Variants in TCF4 observed in about 807,000 individuals in gnomAD.
TCF4 encodes the protein transcription factor 4, also known as SL3-3 enhancer factor 2.
TCF4 carries 3 observed loss-of-function variants against 82.1 expected under a neutral mutation model. The ratio of observed to expected loss-of-function variants is 0.04; its 90% confidence interval spans 0.02 to 0.09. The LOEUF is 0.09. Among genes scored for constraint, TCF4 ranks in the 10% least tolerant of loss-of-function variants. TCF4 has a pLI of 1.00. For missense variants in TCF4, 518 were observed against 852.7 expected (o/e 0.61, Z 4.89); for synonymous variants, 276 against 309.6 (o/e 0.89, Z 1.14).
chr18:55,619,092 T>A (rs567061228), intron 2 of TCF4, among the ~76,000 whole-genome samples: 10 of 152,266 alleles, frequency 6.6e-5, no homozygotes, highest in African/African-American at 2.2e-4. Context: ...CAAAGCTATC[T>A]GGATTTGTGG....
intron 5 of TCF4, chr18:55,422,225 G>T: frequency 1.0e-6 from 1 of 981,952 alleles, no homozygotes; most frequent in Middle Eastern, 5.3e-4. Context: ...GGCACCAGAA[G>T]ATCTAAGCCC....
chr18:55,303,226 T>TACACACACACACAC (rs74180496), intron 8 of TCF4, among the ~76,000 whole-genome samples: 15 of 136,072 alleles, frequency 1.1e-4, no homozygotes, highest in African/African-American at 2.8e-4. Flanking sequence ...TCCCAGTACG[T>TACACACACACACAC]ACACACACAC....
chr18:55,369,653 A>C (rs2088349319), intron 6 of TCF4, among the ~76,000 whole-genome samples: 1 of 152,240 alleles, frequency 6.6e-6, no homozygotes, highest in Non-Finnish European at 1.5e-5. Flanking sequence ...ACAGGTGCTC[A>C]TCAGGAAATT....
At chr18:55,290,769 C>T (rs2064877350) in intron 8 of TCF4, among the ~76,000 whole-genome samples, 1 of 151,988 alleles carries the variant, frequency 6.6e-6, no homozygotes, top group South Asian at 2.1e-4. Flanking sequence ...GCATCAGACA[C>T]AAGCAGAAAG....
intron 3 of TCF4, among the ~76,000 whole-genome samples, chr18:55,531,083 C>T (rs1383968761): frequency 6.6e-6 from 1 of 152,066 alleles, no homozygotes; most frequent in Non-Finnish European, 1.5e-5. Context: ...TCTCGAGTAG[C>T]TGGGAGTACA....
chr18:55,483,114 G>T (rs948763750), intron 3 of TCF4, among the ~76,000 whole-genome samples: 1 of 152,162 alleles, frequency 6.6e-6, no homozygotes, highest in African/African-American at 2.4e-5. Flanking sequence ...GGGCAATAAG[G>T]CACCCTCGGC....
chr18:55,386,970 CA>C (rs2092659836), intron 6 of TCF4, among the ~76,000 whole-genome samples: 6 of 152,188 alleles, frequency 3.9e-5, no homozygotes, highest in African/African-American at 1.4e-4. Context: ...CTCGGATACA[CA>C]CAGGCACCAT....
chr18:55,585,061 G>C (rs767217877), intron 3 of TCF4, among the ~76,000 whole-genome samples: 6 of 151,888 alleles, frequency 4.0e-5, no homozygotes, highest in Non-Finnish European at 8.8e-5. Flanking sequence ...ATGGAATTTT[G>C]AGAGAGTTTC....
At chr18:55,445,961 A>C (rs548338006) in intron 5 of TCF4, among the ~76,000 whole-genome samples, 28 of 152,220 alleles carry the variant, frequency 1.8e-4, no homozygotes, top group African/African-American at 6.7e-4. Context: ...TGGCTCTAAG[A>C]GTTCACATTC....
At chr18:55,361,360 C>T (rs1396586295) in intron 6 of TCF4, among the ~76,000 whole-genome samples, 2 of 152,160 alleles carry the variant, frequency 1.3e-5, no homozygotes, top group East Asian at 1.9e-4. Flanking sequence ...CTACTATGGG[C>T]CAGCCACTGT....
intron 2 of TCF4, among the ~76,000 whole-genome samples, chr18:55,621,533 A>ACAT (rs2097718890): frequency 9.4e-3 from 2 of 212 alleles, no homozygotes; most frequent in Admixed American, 0.1. Context: ...ATTATATAAT[A>ACAT]TATATATTAT....
At chr18:55,275,275 G>GAAAAAA (rs533160424) in intron 10 of TCF4, among the ~76,000 whole-genome samples, 83 of 71,174 alleles carry the variant, frequency 1.2e-3, no homozygotes, top group East Asian at 1.9e-3. Context: ...ACTACAGATA[G>GAAAAAA]AAAAAAAAAA....
At chr18:55,259,097 T>TTTA (rs1049581407) in intron 13 of TCF4, among the ~76,000 whole-genome samples, 8 of 152,146 alleles carry the variant, frequency 5.3e-5, no homozygotes, top group Admixed American at 6.5e-5. Context: ...AGGAGCTGAG[T>TTTA]TTACACTGGG....
chr18:55,479,942 C>A (rs1467984283), intron 3 of TCF4, among the ~76,000 whole-genome samples: 2 of 152,160 alleles, frequency 1.3e-5, no homozygotes, highest in Non-Finnish European at 2.9e-5. Flanking sequence ...GGAAACTGGT[C>A]TTTGAACTAT....
intron 15 of TCF4, 117 bp from the exon 16 acceptor site, chr18:55,234,800 G>T: frequency 6.7e-7 from 1 of 1,494,402 alleles, no homozygotes; most frequent in Non-Finnish European, 9.2e-7. Context: ...TCCCAAACGC[G>T]TTTCACTAGA....
At chr18:55,388,992 G>C (rs567422710) in intron 6 of TCF4, among the ~76,000 whole-genome samples, 6 of 152,100 alleles carry the variant, frequency 3.9e-5, no homozygotes, top group African/African-American at 1.4e-4. Flanking sequence ...CGGGCATGGT[G>C]GTGGGCGCCT....
intron 3 of TCF4, among the ~76,000 whole-genome samples, chr18:55,559,564 T>A (rs907007483): frequency 1.3e-5 from 2 of 151,686 alleles, no homozygotes; most frequent in African/African-American, 4.8e-5. Flanking sequence ...GGCTTCTGAA[T>A]ATAAACTGAT....
At chr18:55,554,691 G>A (rs944340084) in intron 3 of TCF4, among the ~76,000 whole-genome samples, 1 of 152,142 alleles carries the variant, frequency 6.6e-6, no homozygotes, top group African/African-American at 2.4e-5. Context: ...CATATACAAT[G>A]TGCATGTACA....
chr18:55,583,949 T>C (rs767544577), intron 3 of TCF4, among the ~76,000 whole-genome samples: 1 of 152,068 alleles, frequency 6.6e-6, no homozygotes, highest in African/African-American at 2.4e-5. Flanking sequence ...GTGGAAAACA[T>C]AACCAGGTCC....
Sources: allele counts gnomAD v4.1 joint callset (sites outside exome capture counted in the v4.1 genomes callset), GRCh38; gene constraint gnomAD v4.1.1; transcripts MANE v1.5; gene names NCBI Gene and HGNC (gene_info 2026-07-23, HGNC 2026-07-21).